The following PCDH11Y variants were observed in gnomAD, a reference collection of about 807,000 sequenced individuals.
PCDH11Y encodes the protein protocadherin-11 Y-linked.
For synonymous variants in PCDH11Y, 9 were observed against 83.6 expected (o/e 0.11, Z 4.87); for missense variants, 12 against 224.8 (o/e 0.05, Z 6.05).
rs1369070511 is a variant in PCDH11Y, at chrY:5,339,540, G to A, written c.3130-161517G>A. 6.4e-4 allele frequency among the ~76,000 whole-genome samples: 20 copies of A among 31,263 alleles called. No homozygotes were observed. In the East Asian group the frequency reaches 0.014, roughly 21 times the overall value. 83.9% of individuals were successfully genotyped at this position (31,263 alleles called of 37,273 possible). ...GCTAGGGTTTTGCCATTTTGGTCAG[G>A]CTGGTCTCAAATTCCTGACCTCAGG... On this transcript the variant is annotated intron_variant, in intron 2 of 4. Coordinates refer to the PCDH11Y transcript ENST00000400457.
intron 3 of PCDH11Y, among the ~76,000 whole-genome samples, chrY:5,565,393 A>T (rs1602944002): frequency 3.2e-5 from 1 of 31,350 alleles, no homozygotes; most frequent in East Asian, 8.6e-4. Context: ...AATGGGTATT[A>T]AAGTTTCATC....
intron 2 of PCDH11Y, chrY:5,337,830 C>A: frequency 2.5e-6 from 1 of 393,367 alleles, no homozygotes; most frequent in Non-Finnish European, 3.5e-6. Flanking sequence ...CTCTTGTCTT[C>A]TTCTGTCACC....
chrY:5,075,557 C>T (rs1602857068), intron 1 of PCDH11Y, among the ~76,000 whole-genome samples: 125 of 33,015 alleles, frequency 3.8e-3, no homozygotes, highest in African/African-American at 0.013. Flanking sequence ...CCCTACCTCC[C>T]CTGCCTACCA....
At chrY:5,528,407 A>C in intron 3 of PCDH11Y, among the ~76,000 whole-genome samples, 1 of 33,180 alleles carries the variant, frequency 3.0e-5, no homozygotes, top group African/African-American at 1.2e-4. Context: ...TCTAACTTAC[A>C]CTACCACTTT....
intron 3 of PCDH11Y, among the ~76,000 whole-genome samples, chrY:5,552,154 T>G: frequency 6.1e-5 from 2 of 32,738 alleles, no homozygotes; most frequent in African/African-American, 2.4e-4. Context: ...GAAGTAGACA[T>G]GAATAGAATT....
intron 2 of PCDH11Y, among the ~76,000 whole-genome samples, chrY:5,304,025 A>G: frequency 6.2e-5 from 2 of 32,342 alleles, no homozygotes; most frequent in Non-Finnish European, 1.5e-4. Flanking sequence ...ATGGCAGGAA[A>G]CAGTGCAATG....
rs539466842 is a variant in PCDH11Y at position 5,192,733 on chromosome Y, G to T, written c.3129+92026G>T. Among the ~76,000 whole-genome samples, 200 of 33,396 alleles carry T rather than the reference G, an allele frequency of 6.0e-3. No homozygotes were observed. The South Asian group carries it at 0.13, about 22-fold the overall frequency. The allele number at this position is 33,396 out of a possible 37,273, so 89.6% of individuals were successfully genotyped here. On this transcript the variant is annotated intron_variant, in intron 2 of 4. Coordinates refer to the PCDH11Y transcript ENST00000400457. ...GAATTGCAGTTTTGAGTAGTGCAGT[G>T]AATTGAAAAGCAAGCCTTCAAATAT...
chrY:5,453,871 A>C (rs1602928012), intron 2 of PCDH11Y, among the ~76,000 whole-genome samples: 1 of 30,083 alleles, frequency 3.3e-5, no homozygotes, highest in East Asian at 8.7e-4. Flanking sequence ...CACCTCCAAC[A>C]CTGGGCATTA....
At chrY:5,631,359 A>G (rs2053512180) in intron 4 of PCDH11Y, among the ~76,000 whole-genome samples, 1 of 28,759 alleles carries the variant, frequency 3.5e-5, no homozygotes, top group Non-Finnish European at 7.9e-5. Context: ...AGGCACCAGC[A>G]TATTAATGCA....
intron 4 of PCDH11Y, among the ~76,000 whole-genome samples, chrY:5,706,343 T>A (rs2124712598): frequency 3.1e-5 from 1 of 32,658 alleles, no homozygotes; most frequent in South Asian, 6.8e-4. Context: ...CAATTCTGCT[T>A]CGGCATGACA....
chrY:5,313,031 C>G, intron 2 of PCDH11Y, among the ~76,000 whole-genome samples: 1 of 31,339 alleles, frequency 3.2e-5, no homozygotes, highest in Non-Finnish European at 7.8e-5. Flanking sequence ...ATGCTTTGAT[C>G]CATGTATCCA....
At chrY:5,014,232 A>G (rs2124618836) in intron 1 of PCDH11Y, among the ~76,000 whole-genome samples, 2 of 30,400 alleles carry the variant, frequency 6.6e-5, no homozygotes, top group South Asian at 1.5e-3. Context: ...AGAGACAATA[A>G]TAGATCCTTG....
chrY:5,426,873 A>G, intron 2 of PCDH11Y, among the ~76,000 whole-genome samples: 1 of 33,566 alleles, frequency 3.0e-5, no homozygotes. Context: ...GCAAGCATTT[A>G]CTAAAACCTT....
intron 2 of PCDH11Y, among the ~76,000 whole-genome samples, chrY:5,139,114 C>T (rs2052844811): frequency 6.0e-5 from 2 of 33,459 alleles, no homozygotes; most frequent in African/African-American, 1.2e-4. Flanking sequence ...TGTGATACAT[C>T]GCATAAACAG....
chrY:5,477,185 A>C, intron 2 of PCDH11Y, among the ~76,000 whole-genome samples: 1 of 33,599 alleles, frequency 3.0e-5, no homozygotes. Flanking sequence ...GATATGTTCA[A>C]TCAATACCTA....
intron 2 of PCDH11Y, among the ~76,000 whole-genome samples, chrY:5,284,331 G>A: frequency 3.1e-5 from 1 of 32,215 alleles, no homozygotes; most frequent in Admixed American, 2.9e-4. Flanking sequence ...CCGGGCTTTT[G>A]ATCCTAGAAT....
intron 2 of PCDH11Y, among the ~76,000 whole-genome samples, chrY:5,123,166 G>C: frequency 3.2e-5 from 1 of 31,694 alleles, no homozygotes; most frequent in Non-Finnish European, 7.7e-5. Flanking sequence ...TTAGCTGCTG[G>C]GCCTTGCATA....
chrY:5,558,349 C>CT (rs1569347788), intron 3 of PCDH11Y, among the ~76,000 whole-genome samples: 3 of 4,181 alleles, frequency 7.2e-4, no homozygotes, highest in Non-Finnish European at 1.3e-3. Context: ...TTCTTTTTTT[C>CT]TTTTTTTTTT....
At chrY:5,338,760 C>T in intron 2 of PCDH11Y, 2 of 267,577 alleles carry the variant, frequency 7.5e-6, no homozygotes, top group Non-Finnish European at 1.2e-5. Context: ...ACATTATAAC[C>T]CCTGATACAA....
Sources: gnomAD v4.1 joint callset for allele counts (sites outside exome capture counted in the v4.1 genomes callset) on GRCh38, gnomAD v4.1.1 for gene constraint, MANE v1.5 for transcripts, NCBI Gene and HGNC (gene_info 2026-07-23, HGNC 2026-07-21) for gene names.